The following ANXA4 variants were observed in gnomAD, a reference collection of about 807,000 sequenced individuals.
The protein encoded by ANXA4 is 35-beta calcimedin.
In ANXA4, 39 loss-of-function variants were observed where a neutral mutation model predicts 49.8. The ratio of observed to expected loss-of-function variants is 0.78; its 90% CI spans 0.61 to 1.02. The LOEUF (loss-of-function observed/expected upper bound fraction) is 1.02, where lower values mean the gene tolerates loss of function less well. Ranked by LOEUF, ANXA4 falls within the 50% of genes least tolerant of loss-of-function variation. The pLI is 0.00. For missense variants in ANXA4, 360 were observed against 410.1 expected (o/e 0.88, Z 1.05); for synonymous variants, 134 against 152.5 (o/e 0.88, Z 0.89).
chr2:69,769,520 G>T (rs1345163692), intron 1 of ANXA4, among the ~76,000 whole-genome samples: 1 of 152,172 alleles, frequency 6.6e-6, no homozygotes, highest in Non-Finnish European at 1.5e-5. Context: ...GAGTAGATAA[G>T]ATAACATGGA....
intron 2 of ANXA4, among the ~76,000 whole-genome samples, chr2:69,664,440 T>G: frequency 6.6e-6 from 1 of 152,182 alleles, no homozygotes; most frequent in East Asian, 1.9e-4. Flanking sequence ...TCTAAAGTAC[T>G]TTCTAGAGTA....
intron 1 of ANXA4, among the ~76,000 whole-genome samples, chr2:69,743,758 A>C (rs1055007935): frequency 6.6e-6 from 1 of 152,140 alleles, no homozygotes; most frequent in African/African-American, 2.4e-5. Flanking sequence ...ACAGACACAC[A>C]ACTACTGGAT....
At position 69,807,994 on chromosome 2, in the gene ANXA4, A is replaced by G; in HGVS notation, c.395A>G (p.Gln132Arg). 6.2e-7 allele frequency: 1 copy of G among 1,614,028 alleles called. No homozygotes were observed. The highest frequency in any genetic ancestry group is 8.5e-7 in the Non-Finnish European group (1 of 1,179,922). Residue 132 changes from glutamine to arginine, a missense_variant and splice_region_variant, in exon 6 of 13, where the codon CAG (glutamine) becomes CGG (arginine). Physicochemically the swap from Gln to Arg is conservative, Grantham distance 43. Transcript: ENST00000394295. The part of the protein sequence containing the change: ...EIRRISQTYQ[Q>R]QYGRSLEDDI... ...CGGCGCATAAGCCAAACCTACCAGC[A>G]GCGTACGTGACATCCGCAGTGGCCC...
chr2:69,794,100 A>T (rs926508757), intron 3 of ANXA4, among the ~76,000 whole-genome samples: 1 of 152,194 alleles, frequency 6.6e-6, no homozygotes, highest in African/African-American at 2.4e-5. Context: ...TAGGTTCTCC[A>T]GTTTTCTCTG....
intron 5 of ANXA4, among the ~76,000 whole-genome samples, chr2:69,807,004 A>T (rs1673468552): frequency 6.6e-6 from 1 of 152,216 alleles, no homozygotes; most frequent in African/African-American, 2.4e-5. Context: ...TAAAAGTTAA[A>T]TTTTTTTAAA....
chr2:69,683,842 C>G (rs955590574), intron 2 of ANXA4, among the ~76,000 whole-genome samples: 1 of 152,184 alleles, frequency 6.6e-6, no homozygotes, highest in Non-Finnish European at 1.5e-5. Flanking sequence ...TATGGCAGAA[C>G]AAAGCGGTGG....
At chr2:69,717,614 CCGCCATTTCCTCTTTAA>C (rs1669679630) in intron 2 of ANXA4, among the ~76,000 whole-genome samples, 1 of 152,224 alleles carries the variant, frequency 6.6e-6, no homozygotes, top group Non-Finnish European at 1.5e-5. Context: ...CTTTCTGTTA[CCGCCATTTCCTCTTTAA>C]CTCCACGTAT....
At chr2:69,735,097 C>A (rs755744894) in intron 3 of ANXA4, among the ~76,000 whole-genome samples, 1 of 152,202 alleles carries the variant, frequency 6.6e-6, no homozygotes, top group Non-Finnish European at 1.5e-5. Flanking sequence ...TGCTTCTAAC[C>A]TCACAAGCTA....
At chr2:69,679,538 T>A (rs1337204480) in intron 2 of ANXA4, among the ~76,000 whole-genome samples, 1 of 152,088 alleles carries the variant, frequency 6.6e-6, no homozygotes, top group Non-Finnish European at 1.5e-5. Context: ...TTTGTGGGGG[T>A]TTTTTTCTGT....
chr2:69,725,259 T>C (rs1389316146), intron 3 of ANXA4, among the ~76,000 whole-genome samples: 1 of 151,920 alleles, frequency 6.6e-6, no homozygotes, highest in Non-Finnish European at 1.5e-5. Flanking sequence ...TCTATCATTT[T>C]AGCATTAATC....
chr2:69,751,737 C>T (rs925193223), intron 1 of ANXA4, among the ~76,000 whole-genome samples: 2 of 152,080 alleles, frequency 1.3e-5, no homozygotes, highest in Non-Finnish European at 2.9e-5. Context: ...TGCATCATGA[C>T]TCTGGTGGCC....
At chr2:69,813,845 C>G (rs974593009) in intron 8 of ANXA4, among the ~76,000 whole-genome samples, 17 of 151,234 alleles carry the variant, frequency 1.1e-4, no homozygotes, top group Admixed American at 3.3e-4. Flanking sequence ...GCAACCTCCC[C>G]CTCCCAGGTT....
At chr2:69,800,297 G>A (rs181988001) in intron 3 of ANXA4, among the ~76,000 whole-genome samples, 3,506 of 151,792 alleles carry the variant, frequency 0.023, 122 homozygotes, top group African/African-American at 0.08. Context: ...CTAATTCTTT[G>A]GTTACAAGGA....
At chr2:69,661,411 A>G (rs1367765621) in intron 2 of ANXA4, among the ~76,000 whole-genome samples, 1 of 152,042 alleles carries the variant, frequency 6.6e-6, no homozygotes, top group Non-Finnish European at 1.5e-5. Flanking sequence ...TGGGAGGCTG[A>G]GGAAGGAGGA....
intron 2 of ANXA4, among the ~76,000 whole-genome samples, chr2:69,668,505 G>A (rs1240721195): frequency 6.6e-6 from 1 of 152,140 alleles, no homozygotes; most frequent in Non-Finnish European, 1.5e-5. Context: ...AATCACTCTT[G>A]AGATACAGTC....
At chr2:69,740,049 G>T (rs1292206854), upstream of ANXA4, among the ~76,000 whole-genome samples, 1 of 152,208 alleles carries the variant, frequency 6.6e-6, no homozygotes, top group Non-Finnish European at 1.5e-5. Flanking sequence ...GGCTTCCTCA[G>T]TCTGGTCTGA....
chr2:69,736,848 T>C (rs903683827), intron 3 of ANXA4, among the ~76,000 whole-genome samples: 1 of 152,184 alleles, frequency 6.6e-6, no homozygotes, highest in Non-Finnish European at 1.5e-5. Flanking sequence ...ATCACTCAGG[T>C]TGGAGTGCAG....
At chr2:69,682,978 A>G (rs6721715) in intron 2 of ANXA4, among the ~76,000 whole-genome samples, 92,457 of 152,076 alleles carry the variant, frequency 0.61, 29,582 homozygotes, top group East Asian at 0.82. Flanking sequence ...TAAAATATCC[A>G]CGTTATTGTT....
At chr2:69,656,092 T>C (rs1416262044) in intron 2 of ANXA4, among the ~76,000 whole-genome samples, 1 of 151,224 alleles carries the variant, frequency 6.6e-6, no homozygotes, top group Non-Finnish European at 1.5e-5. Flanking sequence ...GGTTGATGGG[T>C]CCAGCAAACC....
Sources: gnomAD v4.1 joint callset for allele counts (sites outside exome capture counted in the v4.1 genomes callset) on GRCh38, gnomAD v4.1.1 for gene constraint, MANE v1.5 for transcripts, NCBI Gene and HGNC (gene_info 2026-07-23, HGNC 2026-07-21) for gene names.